The following SASH1 variants were observed in gnomAD, a reference collection of about 807,000 sequenced individuals.
SASH1 encodes the protein SAM and SH3 domain-containing protein 1.
SASH1 carries 44 observed loss-of-function variants against 125.2 expected under a neutral mutation model. That is an observed-to-expected ratio of 0.35 (90% CI 0.28 to 0.45). The LOEUF (loss-of-function observed/expected upper bound fraction) is 0.45, where lower values mean the gene tolerates loss of function less well. Among genes scored for constraint, SASH1 ranks in the 20% least tolerant of loss-of-function variants. The probability of loss-of-function intolerance (pLI) is 1.00; values close to 1 mark genes in which losing one functional copy is unlikely to be tolerated. For missense variants in SASH1, 1,426 were observed against 1,614.5 expected, an observed-to-expected ratio of 0.88 and a Z score of 2.00; for synonymous variants, 639 against 649.1, an observed-to-expected ratio of 0.98 and a Z score of 0.24.
intron 7 of SASH1, among the ~76,000 whole-genome samples, chr6:148,487,129 A>ATG (rs1554263545): frequency 2.0e-5 from 3 of 146,414 alleles, no homozygotes; most frequent in African/African-American, 2.5e-5. Context: ...ATATATATAT[A>ATG]TGTGTATGTT....
At chr6:148,290,082 G>A (rs1356540568) in intron 1 of SASH1, among the ~76,000 whole-genome samples, 1 of 150,940 alleles carries the variant, frequency 6.6e-6, no homozygotes, top group Non-Finnish European at 1.5e-5. Context: ...TGGCCAGACT[G>A]GTCTCAAACT....
chr6:148,294,931 C>A (rs909572024), intron 1 of SASH1, among the ~76,000 whole-genome samples: 2 of 152,222 alleles, frequency 1.3e-5, no homozygotes, highest in Admixed American at 6.5e-5. Flanking sequence ...AATTAAAAAA[C>A]ACTGGCACAG....
At chr6:148,270,480 T>C (rs1779036965), upstream of SASH1, among the ~76,000 whole-genome samples, 1 of 152,194 alleles carries the variant, frequency 6.6e-6, no homozygotes, top group South Asian at 2.1e-4. Flanking sequence ...TTGGTGATTG[T>C]TTCCCTAAAA....
chr6:148,459,769 A>G (rs1024517278), intron 4 of SASH1, among the ~76,000 whole-genome samples: 2 of 152,208 alleles, frequency 1.3e-5, no homozygotes, highest in African/African-American at 4.8e-5. Context: ...GCAGGCATGT[A>G]GTAAGTAAAG....
chr6:148,349,252 C>CTTTCT (rs1781629223), intron 1 of SASH1, among the ~76,000 whole-genome samples: 3 of 47,042 alleles, frequency 6.4e-5, no homozygotes, highest in African/African-American at 2.6e-4. Context: ...TTCTTTCTTT[C>CTTTCT]TTTTTTTTTT....
chr6:148,282,978 C>T (rs893155670), intron 1 of SASH1, among the ~76,000 whole-genome samples: 2 of 152,138 alleles, frequency 1.3e-5, no homozygotes, highest in South Asian at 2.1e-4. Flanking sequence ...CAGAGAACGC[C>T]TGGAGTCAGG....
At chr6:148,509,011 G>A (rs147643224) in intron 8 of SASH1, 26 of 482,376 alleles carry the variant, frequency 5.4e-5, no homozygotes, top group African/African-American at 3.0e-4. Context: ...GTCCTTCTTC[G>A]CCTGTTTACT....
the SASH1 span, among the ~76,000 whole-genome samples, chr6:148,226,326 A>G: frequency 7.2e-5 from 11 of 152,186 alleles, no homozygotes; most frequent in African/African-American, 2.4e-4. Context: ...ATTTGTTTTC[A>G]ATCCTGATTT....
intron 4 of SASH1, among the ~76,000 whole-genome samples, chr6:148,447,340 T>C (rs13201358): frequency 0.25 from 37,894 of 152,074 alleles, 5,058 homozygotes; most frequent in East Asian, 0.35. Flanking sequence ...ATAAAGAGGA[T>C]CGAATATAGT....
At chr6:148,312,578 T>C (rs1251107839) in intron 1 of SASH1, among the ~76,000 whole-genome samples, 3 of 152,200 alleles carry the variant, frequency 2.0e-5, no homozygotes, top group African/African-American at 7.2e-5. Flanking sequence ...CACTTAAAGC[T>C]GAGTGAATGA....
intron 7 of SASH1, among the ~76,000 whole-genome samples, chr6:148,475,580 T>C (rs1294759024): frequency 6.6e-6 from 1 of 152,142 alleles, no homozygotes; most frequent in Admixed American, 6.6e-5. Context: ...CCACAACAAC[T>C]ACCAAATTCT....
At chr6:148,235,627 A>G in the SASH1 span, among the ~76,000 whole-genome samples, 1 of 152,290 alleles carries the variant, frequency 6.6e-6, no homozygotes, top group Non-Finnish European at 1.5e-5. Context: ...ATATATTTTG[A>G]TGAGTCAAAC....
At chr6:148,213,021 T>C in the SASH1 span, among the ~76,000 whole-genome samples, 3 of 152,194 alleles carry the variant, frequency 2.0e-5, no homozygotes, top group African/African-American at 7.2e-5. Context: ...TCCTTTTACA[T>C]TCTCCTGCCC....
intron 9 of SASH1, among the ~76,000 whole-genome samples, chr6:148,516,792 C>A (rs1780469438): frequency 6.6e-6 from 1 of 152,118 alleles, no homozygotes; most frequent in Non-Finnish European, 1.5e-5. Context: ...GAAGGCCCAG[C>A]ACGATGTCCA....
chr6:148,385,388 CTTG>C (rs1335338605), intron 1 of SASH1, among the ~76,000 whole-genome samples: 3 of 152,122 alleles, frequency 2.0e-5, no homozygotes, highest in Admixed American at 2.0e-4. Context: ...GAAGAGTTGG[CTTG>C]TTGTTGGTTT....
At chr6:148,471,798 TTACTC>T (rs1257173777) in intron 6 of SASH1, among the ~76,000 whole-genome samples, 2 of 152,312 alleles carry the variant, frequency 1.3e-5, no homozygotes, top group African/African-American at 4.8e-5. Flanking sequence ...AGAAAGATCT[TTACTC>T]TTCTCTCGTC....
intron 2 of SASH1, among the ~76,000 whole-genome samples, chr6:148,399,779 TCCAGGGTTTGG>T (rs376278053): frequency 3.0e-4 from 46 of 151,942 alleles, no homozygotes; most frequent in African/African-American, 1.0e-3. Context: ...CTAGCAGGTA[TCCAGGGTTTGG>T]CCAGGGCTTG....
chr6:148,322,929 C>CT (rs1205474352), intron 1 of SASH1, among the ~76,000 whole-genome samples: 3,084 of 121,366 alleles, frequency 0.025, 203 homozygotes, highest in Non-Finnish European at 0.035. Context: ...TTCTTTCTCT[C>CT]TTTCTTTTCC....
chr6:148,514,480 AAAAAAAG>A, intron 9 of SASH1, 24 bp downstream of exon 9: 1 of 1,400,898 alleles, frequency 7.1e-7, no homozygotes, highest in South Asian at 1.4e-5. Flanking sequence ...AAAAAAAAAA[AAAAAAAG>A]GCAGACTCCA....
Sources: allele counts gnomAD v4.1 joint callset (sites outside exome capture counted in the v4.1 genomes callset), GRCh38; gene constraint gnomAD v4.1.1; transcripts MANE v1.5; gene names NCBI Gene and HGNC (gene_info 2026-07-23, HGNC 2026-07-21).